PEBP4: variants seen among roughly 807,000 people sequenced by gnomAD.
PEBP4 encodes the protein phosphatidylethanolamine binding protein 4, also known as phosphatidylethanolamine-binding protein 4.
PEBP4 carries 22 observed loss-of-function variants against 23.9 expected under a neutral mutation model. That is an observed-to-expected ratio of 0.92 (90% CI 0.66 to 1.31). The LOEUF (loss-of-function observed/expected upper bound fraction) is 1.31, where lower values mean the gene tolerates loss of function less well. PEBP4 is among the 40% of genes most tolerant of loss of function. The pLI is 0.00. For synonymous variants in PEBP4, 112 were observed against 99.3 expected, an observed-to-expected ratio of 1.13 and a Z score of -0.76; for missense variants, 324 against 281.7, an observed-to-expected ratio of 1.15 and a Z score of -1.07.
At chr8:22,738,569 C>T (rs1206009928) in intron 4 of PEBP4, among the ~76,000 whole-genome samples, 1 of 152,048 alleles carries the variant, frequency 6.6e-6, no homozygotes, top group African/African-American at 2.4e-5. Context: ...CAGAATGAGG[C>T]CAAGGGGGCC....
intron 4 of PEBP4, chr8:22,756,820 A>T (rs190069778): frequency 1.3e-5 from 2 of 152,150 alleles, no homozygotes; most frequent in East Asian, 3.9e-4. Flanking sequence ...ACCATTTACC[A>T]GGGGAAAGGG....
intron 4 of PEBP4, among the ~76,000 whole-genome samples, chr8:22,803,397 G>GTGGCTCA (rs765834171): frequency 3.3e-5 from 5 of 152,150 alleles, no homozygotes; most frequent in Non-Finnish European, 5.9e-5. Flanking sequence ...GCTGGGCACG[G>GTGGCTCA]TGGCTCACAC....
intron 4 of PEBP4, among the ~76,000 whole-genome samples, chr8:22,795,691 G>T (rs1806238196): frequency 6.6e-6 from 1 of 152,010 alleles, no homozygotes; most frequent in East Asian, 1.9e-4. Flanking sequence ...ATTAATTTGG[G>T]GAATGTTGAT....
At chr8:22,783,559 A>G (rs1012634560) in intron 4 of PEBP4, among the ~76,000 whole-genome samples, 1 of 152,216 alleles carries the variant, frequency 6.6e-6, no homozygotes, top group African/African-American at 2.4e-5. Flanking sequence ...AGATTCCAGG[A>G]TTCAGCTAGG....
chr8:22,757,673 G>A (rs532035645), intron 4 of PEBP4: 1 of 152,346 alleles, frequency 6.6e-6, no homozygotes, highest in African/African-American at 2.4e-5. Context: ...ATGTGAGCTA[G>A]AATCACCCCT....
At chr8:22,831,554 T>A (rs1356457823) in intron 3 of PEBP4, among the ~76,000 whole-genome samples, 1 of 152,134 alleles carries the variant, frequency 6.6e-6, no homozygotes, top group Non-Finnish European at 1.5e-5. Flanking sequence ...GGATAAGAGA[T>A]GAGAGAGGCA....
chr8:22,798,205 T>TTATG (rs1806304760), intron 4 of PEBP4, among the ~76,000 whole-genome samples: 1 of 152,186 alleles, frequency 6.6e-6, no homozygotes, highest in Admixed American at 6.5e-5. Context: ...TTTCTGGGTT[T>TTATG]TATGATGCTT....
At chr8:22,839,677 C>T (rs980143945) in intron 3 of PEBP4, among the ~76,000 whole-genome samples, 8 of 152,224 alleles carry the variant, frequency 5.3e-5, no homozygotes, top group Non-Finnish European at 2.9e-5. Context: ...GGTTTCTAAA[C>T]CTAGTGTGTG....
chr8:22,922,588 A>AC (rs974232775), intron 2 of PEBP4, among the ~76,000 whole-genome samples: 20 of 93,962 alleles, frequency 2.1e-4, no homozygotes, highest in Admixed American at 7.6e-4. Flanking sequence ...AAACAAACAA[A>AC]AAAAAAACAC....
intron 3 of PEBP4, among the ~76,000 whole-genome samples, chr8:22,882,931 C>T (rs541343489): frequency 3.3e-5 from 5 of 152,342 alleles, no homozygotes; most frequent in African/African-American, 1.2e-4. Flanking sequence ...CCCACCTGTT[C>T]CTCCCACGAT....
At chr8:22,841,055 C>T (rs1418395582) in intron 3 of PEBP4, among the ~76,000 whole-genome samples, 1 of 152,216 alleles carries the variant, frequency 6.6e-6, no homozygotes, top group South Asian at 2.1e-4. Context: ...CATGCCAAAC[C>T]CCTCATATCC....
chr8:22,781,785 G>A (rs937329486), intron 4 of PEBP4, among the ~76,000 whole-genome samples: 2 of 152,178 alleles, frequency 1.3e-5, no homozygotes, highest in South Asian at 2.1e-4. Context: ...CCCAGCTCAC[G>A]GCTGGAGGTG....
At chr8:22,758,898 C>T (rs933151752) in intron 4 of PEBP4, among the ~76,000 whole-genome samples, 7 of 151,742 alleles carry the variant, frequency 4.6e-5, no homozygotes, top group Admixed American at 1.3e-4. Context: ...GGTTTCATGA[C>T]AGAAAGAGGA....
rs537924246 is a variant in PEBP4, at chr8:22,843,570, C to T, written c.259-25835G>A. On this transcript the variant is annotated intron_variant, in intron 3 of 6. Transcript: ENST00000256404. The stretch of plus-strand genomic sequence containing the variant: ...GGGTGTACTTGACGGTGCTCAACCA[C>T]CTGCTGCATGGCCAATCCATGAATG... 5.9e-5 allele frequency among the ~76,000 whole-genome samples: 9 copies of T among 152,302 alleles called. No individual in the cohort carries two copies. In the South Asian group the frequency reaches 1.4e-3, roughly 25 times the overall value.
At chr8:22,809,032 T>C (rs1806560561) in intron 4 of PEBP4, among the ~76,000 whole-genome samples, 1 of 152,096 alleles carries the variant, frequency 6.6e-6, no homozygotes, top group African/African-American at 2.4e-5. Context: ...GCCCTACTTC[T>C]TGGGAGTGAC....
chr8:22,817,516 G>A (rs931597574), intron 4 of PEBP4, 121 bp downstream of exon 4: 11 of 880,500 alleles, frequency 1.2e-5, no homozygotes, highest in African/African-American at 1.1e-4. Flanking sequence ...GAGCACTGGG[G>A]GAGATGGGAC....
chr8:22,898,274 C>T (rs1009918562), intron 3 of PEBP4, among the ~76,000 whole-genome samples: 1 of 151,472 alleles, frequency 6.6e-6, no homozygotes, highest in East Asian at 1.9e-4. Context: ...TGCCTGTGAT[C>T]CCAGCTACTT....
chr8:22,824,098 A>C (rs1002468491), intron 3 of PEBP4, among the ~76,000 whole-genome samples: 7 of 152,190 alleles, frequency 4.6e-5, no homozygotes, highest in African/African-American at 1.7e-4. Flanking sequence ...CATGTACATG[A>C]CTCTATGGAG....
chr8:22,928,462 G>A (rs540451463), upstream of PEBP4, among the ~76,000 whole-genome samples: 108 of 152,320 alleles, frequency 7.1e-4, no homozygotes, highest in African/African-American at 2.5e-3. Context: ...GGAGAAGGAG[G>A]TCTGGGGAGC....
Sources: gnomAD v4.1 joint callset for allele counts (sites outside exome capture counted in the v4.1 genomes callset) on GRCh38, gnomAD v4.1.1 for gene constraint, MANE v1.5 for transcripts, NCBI Gene and HGNC (gene_info 2026-07-23, HGNC 2026-07-21) for gene names.